Variants in SPAG16 observed in about 807,000 individuals in gnomAD.
SPAG16 encodes the protein sperm associated antigen 16.
In SPAG16, 86 loss-of-function variants were observed where a neutral mutation model predicts 80.4. The ratio of observed to expected loss-of-function variants is 1.07; its 90% CI spans 0.90 to 1.28. SPAG16 has a LOEUF of 1.28. SPAG16 is among the 50% of genes most tolerant of loss of function. SPAG16 has a pLI of 0.00. For missense variants in SPAG16, 870 were observed against 765.3 expected (o/e 1.14, Z -1.61); for synonymous variants, 294 against 265.9 (o/e 1.11, Z -1.03).
At chr2:214,266,606 A>C (rs573134600) in intron 15 of SPAG16, among the ~76,000 whole-genome samples, 1 of 151,932 alleles carries the variant, frequency 6.6e-6, no homozygotes, top group Non-Finnish European at 1.5e-5. Flanking sequence ...TTTAGGCTAA[A>C]GAAAGAAATA....
intron 14 of SPAG16, among the ~76,000 whole-genome samples, chr2:214,126,384 G>A (rs911374138): frequency 6.6e-6 from 1 of 151,452 alleles, no homozygotes; most frequent in Non-Finnish European, 1.5e-5. Flanking sequence ...TCATTTCAAA[G>A]TATTCAGCAC....
chr2:214,108,479 A>AC (rs1553719294), intron 14 of SPAG16, among the ~76,000 whole-genome samples: 2,607 of 52,360 alleles, frequency 0.05, 51 homozygotes, highest in Admixed American at 0.085. Flanking sequence ...ACACACACAC[A>AC]CCCCCACACA....
intron 7 of SPAG16, among the ~76,000 whole-genome samples, chr2:213,361,122 C>A (rs73990307): frequency 0.074 from 11,288 of 151,912 alleles, 1,382 homozygotes; most frequent in African/African-American, 0.26. Flanking sequence ...ATAGGAAATA[C>A]ATGTTTTCAA....
intron 15 of SPAG16, among the ~76,000 whole-genome samples, chr2:214,253,140 G>C (rs762920653): frequency 3.7e-5 from 5 of 135,672 alleles, no homozygotes; most frequent in Non-Finnish European, 6.4e-5. Flanking sequence ...CCCACTTTTT[G>C]ATGGAGTTGT....
chr2:213,938,742 C>G (rs982402169), intron 12 of SPAG16, among the ~76,000 whole-genome samples: 1 of 151,858 alleles, frequency 6.6e-6, no homozygotes, highest in African/African-American at 2.4e-5. Flanking sequence ...AAGAAGTAAA[C>G]TGGTTACTAA....
intron 13 of SPAG16, among the ~76,000 whole-genome samples, chr2:214,072,700 A>T (rs1313686113): frequency 1.3e-5 from 2 of 152,182 alleles, no homozygotes; most frequent in Non-Finnish European, 2.9e-5. Flanking sequence ...TTAAAAATAG[A>T]ATCCAAGATG....
chr2:213,790,000 C>G (rs575602492), intron 10 of SPAG16, among the ~76,000 whole-genome samples: 4 of 151,860 alleles, frequency 2.6e-5, no homozygotes, highest in African/African-American at 9.6e-5. Flanking sequence ...AAAATCTGCC[C>G]TTCAAAAATG....
intron 15 of SPAG16, among the ~76,000 whole-genome samples, chr2:214,263,495 G>A (rs574384716): frequency 1.3e-5 from 2 of 152,174 alleles, no homozygotes; most frequent in East Asian, 1.9e-4. Context: ...ATATATGAGC[G>A]ATCCTACCTT....
intron 12 of SPAG16, among the ~76,000 whole-genome samples, chr2:213,939,817 A>C (rs1056487909): frequency 6.6e-6 from 1 of 152,196 alleles, no homozygotes; most frequent in East Asian, 1.9e-4. Context: ...AAGCAATAAC[A>C]AATAGAGATA....
chr2:213,942,026 ATTG>A (rs1348125174), intron 12 of SPAG16, among the ~76,000 whole-genome samples: 1 of 152,144 alleles, frequency 6.6e-6, no homozygotes, highest in Non-Finnish European at 1.5e-5. Flanking sequence ...TTAATAATTA[ATTG>A]TTTACACCAT....
chr2:213,873,857 T>G (rs1201186841), intron 11 of SPAG16, among the ~76,000 whole-genome samples: 1 of 152,098 alleles, frequency 6.6e-6, no homozygotes, highest in Non-Finnish European at 1.5e-5. Context: ...ATGCAAACAT[T>G]GGAGCGTGTA....
At chr2:213,763,826 A>G (rs2068791077) in intron 10 of SPAG16, among the ~76,000 whole-genome samples, 1 of 152,214 alleles carries the variant, frequency 6.6e-6, no homozygotes, top group Non-Finnish European at 1.5e-5. Context: ...TTTACCTGGC[A>G]CAAGTTACTT....
At chr2:213,743,431 C>G (rs1437352329) in intron 10 of SPAG16, among the ~76,000 whole-genome samples, 1 of 152,138 alleles carries the variant, frequency 6.6e-6, no homozygotes, top group Non-Finnish European at 1.5e-5. Flanking sequence ...CAAAGTATAT[C>G]TTTTATGTTC....
intron 15 of SPAG16, among the ~76,000 whole-genome samples, chr2:214,151,691 A>C (rs2055980573): frequency 6.6e-6 from 1 of 152,114 alleles, no homozygotes; most frequent in Non-Finnish European, 1.5e-5. Flanking sequence ...TTTCTAGTCA[A>C]AACTCTGTGA....
At chr2:213,509,331 C>G (rs922601320) in intron 10 of SPAG16, among the ~76,000 whole-genome samples, 2 of 152,070 alleles carry the variant, frequency 1.3e-5, no homozygotes, top group African/African-American at 2.4e-5. Flanking sequence ...AATTGATGAC[C>G]TCATAAGCAT....
At chr2:214,389,865 A>G (rs995579839) in intron 15 of SPAG16, among the ~76,000 whole-genome samples, 7 of 152,314 alleles carry the variant, frequency 4.6e-5, no homozygotes, top group Admixed American at 3.9e-4. Flanking sequence ...TATCATTGAC[A>G]TTCTTCAGTT....
chr2:213,366,554 C>T (rs1330644976), intron 8 of SPAG16, among the ~76,000 whole-genome samples: 2 of 152,128 alleles, frequency 1.3e-5, no homozygotes, highest in East Asian at 3.9e-4. Flanking sequence ...GAGGAACTGC[C>T]CTTTATAAAA....
chr2:213,321,571 C>T (rs558644382), intron 5 of SPAG16, among the ~76,000 whole-genome samples: 3 of 151,964 alleles, frequency 2.0e-5, no homozygotes, highest in East Asian at 1.9e-4. Context: ...AATTCAGCAA[C>T]GATGAAGTAT....
intron 9 of SPAG16, among the ~76,000 whole-genome samples, chr2:213,465,578 C>G (rs1187886593): frequency 1.3e-5 from 2 of 152,274 alleles, no homozygotes; most frequent in Middle Eastern, 3.4e-3. Context: ...GTAGATTCCT[C>G]CAATAGCAGA....
Sources: gnomAD v4.1 joint callset for allele counts (sites outside exome capture counted in the v4.1 genomes callset) on GRCh38, gnomAD v4.1.1 for gene constraint, MANE v1.5 for transcripts, NCBI Gene and HGNC (gene_info 2026-07-23, HGNC 2026-07-21) for gene names.